Variants in PDE4D observed in about 807,000 individuals in gnomAD.
The protein encoded by PDE4D is phosphodiesterase 4D, also known as 3',5'-cyclic-AMP phosphodiesterase 4D.
A neutral mutation model predicts 87.4 loss-of-function variants in PDE4D; 24 were observed. The ratio of observed to expected loss-of-function variants is 0.27; its 90% CI spans 0.20 to 0.39. PDE4D has a LOEUF of 0.39. PDE4D is among the 10% of genes least tolerant of loss of function. The pLI is 1.00. For missense variants in PDE4D, 714 were observed against 1,041.0 expected (o/e 0.69, Z 4.32); for synonymous variants, 384 against 383.2 (o/e 1.00, Z -0.02).
intron 1 of PDE4D, among the ~76,000 whole-genome samples, chr5:59,411,610 G>A (rs1792696131): frequency 1.3e-5 from 2 of 152,244 alleles, no homozygotes; most frequent in South Asian, 4.2e-4. Context: ...GTGTGCATGT[G>A]TCTAATGTCT....
At chr5:60,120,914 G>A (rs1184828711) in intron 2 of PDE4D, among the ~76,000 whole-genome samples, 1 of 152,030 alleles carries the variant, frequency 6.6e-6, no homozygotes, top group Non-Finnish European at 1.5e-5. Flanking sequence ...TCAGTGGGCT[G>A]GGAAAGGCAG....
intron 2 of PDE4D, among the ~76,000 whole-genome samples, chr5:60,105,541 C>A (rs1776793420): frequency 1.3e-5 from 2 of 151,964 alleles, no homozygotes; most frequent in South Asian, 2.1e-4. Flanking sequence ...AAGAAGCACA[C>A]CTCCAAGACG....
At chr5:60,294,132 T>C (rs1298331064) in intron 1 of PDE4D, among the ~76,000 whole-genome samples, 1 of 152,188 alleles carries the variant, frequency 6.6e-6, no homozygotes, top group Non-Finnish European at 1.5e-5. Context: ...TTCTAGTGGA[T>C]GTGTGGTGGT....
intron 1 of PDE4D, among the ~76,000 whole-genome samples, chr5:60,242,405 G>A (rs939708101): frequency 3.3e-5 from 5 of 152,036 alleles, no homozygotes; most frequent in Admixed American, 1.3e-4. Flanking sequence ...TTTCGTCATA[G>A]GACAGATCTC....
At chr5:59,049,466 T>A (rs1438685151) in intron 5 of PDE4D, among the ~76,000 whole-genome samples, 1 of 152,158 alleles carries the variant, frequency 6.6e-6, no homozygotes, top group Non-Finnish European at 1.5e-5. Context: ...AATTTGGTAA[T>A]GGTCAAGCAG....
chr5:59,695,763 G>A (rs1270764542), intron 1 of PDE4D, among the ~76,000 whole-genome samples: 1 of 151,898 alleles, frequency 6.6e-6, no homozygotes, highest in Non-Finnish European at 1.5e-5. Flanking sequence ...CACCACACCT[G>A]GCTAATTTTT....
In PDE4D at chr5:59,371,774, G is replaced by A. The variant is rs150821287; in HGVS notation, c.456-155806C>T. On this transcript the variant is annotated intron_variant, in intron 1 of 14. Transcript: ENST00000340635. ...TGGTGAGACACAGTTATGAGTCAACGGGAATAAACACGTCAAAGGCATCTG... is the reference window on the plus strand; with the variant it reads ...TGGTGAGACACAGTTATGAGTCAACAGGAATAAACACGTCAAAGGCATCTG... Among the ~76,000 whole-genome samples the A allele has an allele frequency of 4.5e-3, 678 of 152,292 alleles. 4 individuals are homozygous for A. Among genetic ancestry groups the A allele is most frequent in the African/African-American group, 0.016 (651 of 41,558 alleles).
chr5:59,744,381 A>G (rs1759306333), intron 1 of PDE4D, among the ~76,000 whole-genome samples: 4 of 152,158 alleles, frequency 2.6e-5, no homozygotes, highest in African/African-American at 9.6e-5. Context: ...TAATATTCCT[A>G]TATTGTAACC....
rs1208159874 is a variant in PDE4D at position 59,169,621 on chromosome 5, G to A, written c.808+10974C>T. 2.0e-5 allele frequency among the ~76,000 whole-genome samples: 3 copies of A among 152,156 alleles called. No individual in the cohort carries two copies. In the East Asian group the frequency reaches 5.8e-4, roughly 29 times the overall value. ...TGGAGCACTTTGCACATATGATCGT[G>A]CTTATCCTGGGCTGCACTGTTTGTT... On this transcript the variant is annotated intron_variant, in intron 5 of 14. Transcript: ENST00000340635.
intron 2 of PDE4D, among the ~76,000 whole-genome samples, chr5:60,098,646 A>T (rs534325740): frequency 6.6e-6 from 1 of 152,104 alleles, no homozygotes; most frequent in East Asian, 1.9e-4. Flanking sequence ...AACGTTGCTG[A>T]ATTTATTAAT....
chr5:59,495,278 G>C (rs1025481091), intron 1 of PDE4D, among the ~76,000 whole-genome samples: 1 of 152,124 alleles, frequency 6.6e-6, no homozygotes, highest in Non-Finnish European at 1.5e-5. Context: ...ATTAGCTCAC[G>C]TCTGCTCTTC....
At chr5:59,242,044 T>C (rs1757793318) in intron 1 of PDE4D, among the ~76,000 whole-genome samples, 1 of 152,162 alleles carries the variant, frequency 6.6e-6, no homozygotes, top group Non-Finnish European at 1.5e-5. Context: ...TATAGGAAAG[T>C]GATAACTATT....
At chr5:59,237,794 T>G (rs200197253) in intron 1 of PDE4D, among the ~76,000 whole-genome samples, 27 of 49,006 alleles carry the variant, frequency 5.5e-4, no homozygotes, top group East Asian at 9.1e-4. Context: ...TGTGTGTGTG[T>G]GTGTGTGTGT....
chr5:59,117,607 T>C (rs1459469953), intron 5 of PDE4D, among the ~76,000 whole-genome samples: 1 of 152,204 alleles, frequency 6.6e-6, no homozygotes, highest in Non-Finnish European at 1.5e-5. Context: ...GTAGTACTTA[T>C]ATGACTTTTT....
intron 1 of PDE4D, among the ~76,000 whole-genome samples, chr5:60,246,943 T>C (rs1583201222): frequency 1.3e-5 from 2 of 152,174 alleles, no homozygotes; most frequent in Middle Eastern, 3.4e-3. Flanking sequence ...CTCTCTGTAG[T>C]TAATTTTTCA....
chr5:59,224,073 C>A (rs1475079928), intron 1 of PDE4D, among the ~76,000 whole-genome samples: 3 of 141,908 alleles, frequency 2.1e-5, no homozygotes, highest in Non-Finnish European at 4.5e-5. Context: ...ATTGCTTGAG[C>A]TCAGGAGTTC....
At chr5:60,228,827 A>G (rs764196873) in intron 1 of PDE4D, among the ~76,000 whole-genome samples, 7 of 152,014 alleles carry the variant, frequency 4.6e-5, no homozygotes, top group Non-Finnish European at 1.0e-4. Flanking sequence ...CAGCATCCCA[A>G]CTGAGCCTAG....
intron 2 of PDE4D, among the ~76,000 whole-genome samples, chr5:60,118,676 C>T (rs978025895): frequency 1.7e-4 from 26 of 151,826 alleles, no homozygotes; most frequent in African/African-American, 6.3e-4. Flanking sequence ...CCACCTCTTA[C>T]TTTCCAACTA....
chr5:59,957,536 A>C (rs570520078), intron 3 of PDE4D, among the ~76,000 whole-genome samples: 1 of 152,226 alleles, frequency 6.6e-6, no homozygotes. Flanking sequence ...ATATGAGTAC[A>C]TGAATGGGAG....
Sources: gnomAD v4.1 joint callset for allele counts (sites outside exome capture counted in the v4.1 genomes callset) on GRCh38, gnomAD v4.1.1 for gene constraint, MANE v1.5 for transcripts, NCBI Gene and HGNC (gene_info 2026-07-23, HGNC 2026-07-21) for gene names.